Variants in DPP6 observed in about 807,000 individuals in gnomAD.
DPP6 encodes A-type potassium channel modulatory protein DPP6.
DPP6 carries 69 observed loss-of-function variants against 122.6 expected under a neutral mutation model. The ratio of observed to expected loss-of-function variants is 0.56; its 90% CI spans 0.46 to 0.69. The LOEUF (loss-of-function observed/expected upper bound fraction) is 0.69. DPP6 is among the 30% of genes least tolerant of loss of function. The pLI is 0.00. For synonymous variants in DPP6, 418 were observed against 433.1 expected (o/e 0.97, Z 0.43); for missense variants, 928 against 1,116.9 (o/e 0.83, Z 2.41).
chr7:154,887,656 C>T lies in DPP6; in HGVS notation c.2246-20C>T. Reference sequence around the variant, plus strand: ...GGCCTCGAAGCCAGAGGTAACCTCCCTCCCTTTGCTTCCGTGCAGCCTCTG... The same window carrying T: ...GGCCTCGAAGCCAGAGGTAACCTCCTTCCCTTTGCTTCCGTGCAGCCTCTG... On this transcript the variant is annotated intron_variant, in intron 22 of 25. Transcript: ENST00000377770. 1 of 1,613,516 alleles carries T rather than the reference C, an allele frequency of 6.2e-7. No homozygotes were observed. The highest frequency in any genetic ancestry group is 1.1e-5 in the South Asian group (1 of 91,072).
At chr7:154,011,364 T>C (rs567763759) in intron 1 of DPP6, among the ~76,000 whole-genome samples, 3 of 152,344 alleles carry the variant, frequency 2.0e-5, no homozygotes. Flanking sequence ...GAGATGCCAC[T>C]GCTTGATTTG....
chr7:153,946,628 G>A (rs1801958483), intron 1 of DPP6, among the ~76,000 whole-genome samples: 3 of 152,110 alleles, frequency 2.0e-5, no homozygotes, highest in Admixed American at 6.5e-5. Context: ...TGGGAATGCA[G>A]CCCAGTAGGT....
intron 1 of DPP6, among the ~76,000 whole-genome samples, chr7:153,959,960 G>A (rs1351887989): frequency 6.6e-6 from 1 of 152,058 alleles, no homozygotes; most frequent in African/African-American, 2.4e-5. Flanking sequence ...AGAGATGTGT[G>A]ACTCTTCCTT....
chr7:154,720,810 A>G (rs1841763922), intron 7 of DPP6, among the ~76,000 whole-genome samples: 1 of 152,250 alleles, frequency 6.6e-6, no homozygotes, highest in African/African-American at 2.4e-5. Context: ...GAGCCAGCTG[A>G]CAGGGTCCTT....
At chr7:154,307,299 G>A (rs1421248188) in intron 1 of DPP6, among the ~76,000 whole-genome samples, 1 of 152,178 alleles carries the variant, frequency 6.6e-6, no homozygotes, top group Non-Finnish European at 1.5e-5. Context: ...GAAATCCCAT[G>A]TCCTTGAACC....
chr7:153,962,610 TTCTAGA>T (rs1417958159), intron 1 of DPP6, among the ~76,000 whole-genome samples: 3 of 152,164 alleles, frequency 2.0e-5, no homozygotes, highest in Non-Finnish European at 4.4e-5. Context: ...TAACAAACGT[TTCTAGA>T]TGAAGCCCAC....
At chr7:154,658,678 A>C (rs1416989837) in intron 6 of DPP6, among the ~76,000 whole-genome samples, 1 of 152,214 alleles carries the variant, frequency 6.6e-6, no homozygotes, top group African/African-American at 2.4e-5. Context: ...GAGAGCCTTC[A>C]GTGCTCCTCT....
At chr7:153,868,377 T>C in the DPP6 span, among the ~76,000 whole-genome samples, 1 of 152,172 alleles carries the variant, frequency 6.6e-6, no homozygotes, top group African/African-American at 2.4e-5. Flanking sequence ...GGTTTAGTCT[T>C]GGGAGGGTGT....
chr7:154,113,206 G>A (rs1283019907), intron 1 of DPP6, among the ~76,000 whole-genome samples: 2 of 152,148 alleles, frequency 1.3e-5, no homozygotes, highest in African/African-American at 4.8e-5. Context: ...AGTTCTTTGA[G>A]GTCCTGATTT....
chr7:154,570,859 T>C (rs1011062290), intron 5 of DPP6, among the ~76,000 whole-genome samples: 11 of 152,128 alleles, frequency 7.2e-5, no homozygotes, highest in Admixed American at 1.3e-4. Context: ...GCAAACCCAA[T>C]TTTCCACTTT....
intron 1 of DPP6, among the ~76,000 whole-genome samples, chr7:154,012,593 A>G (rs1453212207): frequency 6.6e-6 from 1 of 152,142 alleles, no homozygotes; most frequent in East Asian, 1.9e-4. Flanking sequence ...TCTGGAATCT[A>G]TTAAGAATGC....
At chr7:154,340,714 A>C (rs1809853448) in intron 1 of DPP6, among the ~76,000 whole-genome samples, 1 of 152,234 alleles carries the variant, frequency 6.6e-6, no homozygotes, top group South Asian at 2.1e-4. Flanking sequence ...ATAGGTGGCA[A>C]TTATTGCAAA....
intron 1 of DPP6, among the ~76,000 whole-genome samples, chr7:154,418,650 C>A (rs565455012): frequency 1.2e-4 from 18 of 152,316 alleles, no homozygotes; most frequent in African/African-American, 4.3e-4. Flanking sequence ...CCATTCCTCT[C>A]CCTGCTCCCT....
intron 1 of DPP6, among the ~76,000 whole-genome samples, chr7:153,990,697 TC>T (rs1170529242): frequency 6.6e-6 from 1 of 151,794 alleles, no homozygotes; most frequent in Non-Finnish European, 1.5e-5. Flanking sequence ...GTGGGACCCC[TC>T]CCTCCATGAC....
At chr7:154,853,048 G>A (rs1016128040) in intron 16 of DPP6, among the ~76,000 whole-genome samples, 3 of 152,220 alleles carry the variant, frequency 2.0e-5, no homozygotes, top group Admixed American at 6.5e-5. Flanking sequence ...AAGTAAGGTT[G>A]GAAAAGTCAC....
At chr7:154,565,531 T>C (rs955585196) in intron 4 of DPP6, among the ~76,000 whole-genome samples, 1 of 152,136 alleles carries the variant, frequency 6.6e-6, no homozygotes, top group Admixed American at 6.5e-5. Flanking sequence ...ATGTCACTTT[T>C]TTTTTCTTTT....
At chr7:154,379,629 C>T (rs957177446) in intron 1 of DPP6, among the ~76,000 whole-genome samples, 1 of 152,080 alleles carries the variant, frequency 6.6e-6, no homozygotes, top group Admixed American at 6.6e-5. Context: ...TATAGAAAAG[C>T]ATGATTATGC....
In DPP6 at chr7:154,892,653, C is replaced by T. The variant is rs76896340; in HGVS notation, c.*173C>T. On this transcript the variant is annotated 3_prime_UTR_variant, in exon 26 of 26. Coordinates refer to ENST00000377770, the MANE Select transcript of DPP6 (RefSeq NM_130797.4). Reference sequence around the variant, plus strand: ...TTTGCTTGGGAAACAAGCTCCTTCCCCGGGGTCATCACTCACGGCCTCCAT... The same window carrying T: ...TTTGCTTGGGAAACAAGCTCCTTCCTCGGGGTCATCACTCACGGCCTCCAT... The T allele has an allele frequency of 5.7e-3, 7,595 of 1,343,082 alleles. 313 individuals carry two copies. In the African/African-American group the frequency reaches 0.096, roughly 17 times the overall value. The allele number at this position is 1,343,082 out of a possible 1,614,324, so 83.2% of individuals were successfully genotyped here.
intron 1 of DPP6, among the ~76,000 whole-genome samples, chr7:154,081,042 A>C (rs1176471034): frequency 2.0e-5 from 3 of 152,096 alleles, no homozygotes; most frequent in African/African-American, 7.2e-5. Flanking sequence ...GCAAATAAGC[A>C]GTTGTCAGAA....
Sources: allele counts gnomAD v4.1 joint callset (sites outside exome capture counted in the v4.1 genomes callset), GRCh38; gene constraint gnomAD v4.1.1; transcripts MANE v1.5; gene names NCBI Gene and HGNC (gene_info 2026-07-23, HGNC 2026-07-21).